Variants in ACSL4 observed in about 807,000 individuals in gnomAD.
The protein encoded by ACSL4 is acyl-CoA synthetase long chain family member 4, also known as long-chain-fatty-acid--CoA ligase 4.
In ACSL4, 9 loss-of-function variants were observed where a neutral mutation model predicts 49.1. That is an observed-to-expected ratio of 0.18 (90% CI 0.11 to 0.32). ACSL4 has a LOEUF of 0.32. Among genes scored for constraint, ACSL4 ranks in the 10% least tolerant of loss-of-function variants. ACSL4 has a pLI of 1.00. For synonymous variants in ACSL4, 191 were observed against 170.3 expected (o/e 1.12, Z -0.95); for missense variants, 333 against 493.7 (o/e 0.67, Z 3.08).
At chrX:109,728,977 G>A (rs1444080307) in intron 1 of ACSL4, among the ~76,000 whole-genome samples, 5 of 110,062 alleles carry the variant, frequency 4.5e-5, no homozygotes, top group Admixed American at 2.9e-4. Context: ...TTGGGAGGCC[G>A]AGGCGGGTGG....
intron 12 of ACSL4, 126 bp from the exon 13 acceptor site, chrX:109,663,528 T>A: frequency 1.7e-6 from 1 of 595,099 alleles, no homozygotes; most frequent in Non-Finnish European, 2.7e-6. Context: ...GAACATTAGT[T>A]TATATTTACT....
chrX:109,651,932 C>T (rs978004568), intron 15 of ACSL4, among the ~76,000 whole-genome samples: 52 of 111,844 alleles, frequency 4.6e-4, no homozygotes, highest in African/African-American at 1.6e-3. Context: ...TCACAGATTC[C>T]TGTAAATAGA....
chrX:109,667,065 T>C (rs1169784840), intron 11 of ACSL4, among the ~76,000 whole-genome samples: 1 of 112,737 alleles, frequency 8.9e-6, no homozygotes, highest in Non-Finnish European at 1.9e-5. Flanking sequence ...TCAAAGCTGA[T>C]ACCTGGAATG....
chrX:109,728,953 G>A (rs1209988028), intron 1 of ACSL4, among the ~76,000 whole-genome samples: 1 of 110,950 alleles, frequency 9.0e-6, no homozygotes, highest in African/African-American at 3.3e-5. Context: ...GCTCACGCCT[G>A]TAATCCCAGC....
At chrX:109,659,612 T>C in intron 14 of ACSL4, 101 bp from the exon 15 acceptor site, 2 of 535,599 alleles carry the variant, frequency 3.7e-6, no homozygotes, top group East Asian at 7.4e-5. Context: ...AAATATATAT[T>C]TCTCTTATTT....
intron 1 of ACSL4, among the ~76,000 whole-genome samples, chrX:109,700,927 C>T (rs1275809865): frequency 9.2e-6 from 1 of 108,702 alleles, no homozygotes; most frequent in Admixed American, 9.8e-5. Context: ...CCTGCAGTCC[C>T]AGCTACTCAG....
chrX:109,710,114 A>G, intron 1 of ACSL4, among the ~76,000 whole-genome samples: 1 of 111,865 alleles, frequency 8.9e-6, no homozygotes, highest in East Asian at 2.8e-4. Context: ...TCAAAAAATA[A>G]AATAAAATAA....
chrX:109,665,080 C>T (rs1922524009), intron 12 of ACSL4, among the ~76,000 whole-genome samples: 1 of 111,427 alleles, frequency 9.0e-6, no homozygotes, highest in African/African-American at 3.3e-5. Flanking sequence ...ATTCTATCCC[C>T]TAAAAATCTG....
chrX:109,725,767 A>T (rs1382460794), intron 1 of ACSL4, among the ~76,000 whole-genome samples: 7 of 111,629 alleles, frequency 6.3e-5, no homozygotes, highest in Non-Finnish European at 9.4e-5. Flanking sequence ...AAAATAAAAT[A>T]AAACTCTTTT....
intron 15 of ACSL4, among the ~76,000 whole-genome samples, chrX:109,645,023 G>A (rs1041885411): frequency 1.8e-5 from 2 of 112,892 alleles, no homozygotes; most frequent in Admixed American, 9.3e-5. Flanking sequence ...AGGGTCCTAC[G>A]CCCACGGAGT....
chrX:109,677,274 T>G (rs1449621758), intron 8 of ACSL4, among the ~76,000 whole-genome samples: 1 of 109,473 alleles, frequency 9.1e-6, no homozygotes, highest in African/African-American at 3.3e-5. Context: ...TAATTTTTAT[T>G]TAAATATCTG....
rs146240367 is a variant in ACSL4, at chrX:109,718,237, A to C, written c.-66+14902T>G. ...GCTAGGAATGATGCGAAATTGAAGA[A>C]ATCAACTCCAGGTTGAAAAATAATT... is the stretch of plus-strand genomic sequence containing the variant. On this transcript the variant is annotated intron_variant, in intron 1 of 15. Transcript: ENST00000672401. Among the ~76,000 whole-genome samples the C allele has an allele frequency of 7.6e-3, 858 of 112,622 alleles. 1 individual carries two copies. Among genetic ancestry groups the C allele is most frequent in the Non-Finnish European group, 0.011 (584 of 53,357 alleles).
rs960498285 is a variant in ACSL4 at position 109,653,815 on chromosome X, G to A, written c.1855+5539C>T. On this transcript the variant is annotated intron_variant, in intron 15 of 15. Coordinates refer to ENST00000672401, the MANE Select transcript of ACSL4 (RefSeq NM_001318510.2). ...CTCTGGGGACTGTTGTGGGGTGGGC[G>A]GAAGGGGGAGGGATAGCATTAGGAG... Among the ~76,000 whole-genome samples, 9 of 108,812 alleles carry A rather than the reference G, an allele frequency of 8.3e-5. No homozygotes were observed. In the South Asian group the frequency reaches 1.2e-3, roughly 15 times the overall value. 94.5% of individuals were successfully genotyped at this position (108,812 alleles called of 115,157 possible).
intron 1 of ACSL4, among the ~76,000 whole-genome samples, chrX:109,730,204 GA>G (rs974170603): frequency 2.7e-5 from 3 of 112,002 alleles, no homozygotes; most frequent in South Asian, 3.6e-4. Flanking sequence ...ATTATTGGGG[GA>G]AATTAGATAA....
intron 1 of ACSL4, among the ~76,000 whole-genome samples, chrX:109,713,417 G>A (rs984893736): frequency 1.8e-5 from 2 of 111,972 alleles, no homozygotes; most frequent in Non-Finnish European, 3.8e-5. Context: ...TTGTTGCTTA[G>A]TCCAAAGGCT....
At chrX:109,671,117 G>C (rs1198928083) in intron 9 of ACSL4, among the ~76,000 whole-genome samples, 3 of 106,559 alleles carry the variant, frequency 2.8e-5, no homozygotes, top group Non-Finnish European at 3.9e-5. Context: ...CCCTCTGCCC[G>C]GCCGCCCAGT....
At chrX:109,688,589 A>G (rs1307853879) in intron 2 of ACSL4, among the ~76,000 whole-genome samples, 1 of 111,069 alleles carries the variant, frequency 9.0e-6, no homozygotes, top group African/African-American at 3.3e-5. Context: ...AACCCACTAC[A>G]ATCAGGCTTA....
intron 8 of ACSL4, 47 bp from the exon 9 acceptor site, chrX:109,674,520 A>C: frequency 1.1e-6 from 1 of 930,825 alleles, no homozygotes; most frequent in African/African-American, 2.0e-5. Context: ...CAACCTTAAA[A>C]CATGTTGTAA....
At chrX:109,726,088 T>C (rs1927967215) in intron 1 of ACSL4, among the ~76,000 whole-genome samples, 1 of 112,109 alleles carries the variant, frequency 8.9e-6, no homozygotes, top group African/African-American at 3.2e-5. Flanking sequence ...TCATATATTG[T>C]CAGGTTACAA....
Sources: allele counts gnomAD v4.1 joint callset (sites outside exome capture counted in the v4.1 genomes callset), GRCh38; gene constraint gnomAD v4.1.1; transcripts MANE v1.5; gene names NCBI Gene and HGNC (gene_info 2026-07-23, HGNC 2026-07-21).